The following ABHD2 variants were observed in gnomAD, a reference collection of about 807,000 sequenced individuals.
The protein encoded by ABHD2 is monoacylglycerol lipase ABHD2.
Under a neutral mutation model 48.1 loss-of-function variants are expected in ABHD2, and 20 were observed. The ratio of observed to expected loss-of-function variants is 0.42; its 90% CI spans 0.29 to 0.60. The LOEUF (loss-of-function observed/expected upper bound fraction) is 0.60. ABHD2 is among the 20% of genes least tolerant of loss of function. The pLI, the probability that ABHD2 is intolerant of heterozygous loss-of-function variation, is 0.24. For missense variants in ABHD2, 405 were observed against 550.9 expected, an observed-to-expected ratio of 0.74 and a Z score of 2.65; for synonymous variants, 209 against 214.2, an observed-to-expected ratio of 0.98 and a Z score of 0.21.
intron 1 of ABHD2, among the ~76,000 whole-genome samples, chr15:89,096,798 C>T (rs909827750): frequency 3.3e-5 from 5 of 152,198 alleles, no homozygotes; most frequent in Admixed American, 1.3e-4. Flanking sequence ...TCATCATACC[C>T]GTTTGTACGT....
At chr15:89,187,510 C>T (rs1454743019) in intron 7 of ABHD2, among the ~76,000 whole-genome samples, 1 of 152,146 alleles carries the variant, frequency 6.6e-6, no homozygotes, top group African/African-American at 2.4e-5. Flanking sequence ...AAATTCAGTC[C>T]GCTTCCAGGT....
chr15:89,095,478 T>G (rs908824840), intron 1 of ABHD2, among the ~76,000 whole-genome samples: 1 of 152,186 alleles, frequency 6.6e-6, no homozygotes, highest in Non-Finnish European at 1.5e-5. Flanking sequence ...ATGTTTGAAG[T>G]GCCACGTTTT....
intron 3 of ABHD2, among the ~76,000 whole-genome samples, chr15:89,123,360 A>G (rs934530000): frequency 5.9e-5 from 9 of 152,188 alleles, no homozygotes; most frequent in African/African-American, 1.9e-4. Context: ...TGTTCTCATC[A>G]TAATGTGTCC....
At chr15:89,066,393 C>CA in the ABHD2 span, among the ~76,000 whole-genome samples, 1 of 152,162 alleles carries the variant, frequency 6.6e-6, no homozygotes, top group Non-Finnish European at 1.5e-5. Flanking sequence ...TCTCCGTATT[C>CA]AAATCTCCTC....
chr15:89,087,495 C>G (rs1257208557), upstream of ABHD2: 3 of 152,226 alleles, frequency 2.0e-5, no homozygotes, highest in African/African-American at 7.2e-5. The surrounding 1 kb of genome is among the most constrained non-coding windows in gnomAD (Gnocchi z 5.5). Context: ...TAGAAATGGG[C>G]CTAGTTTCCC....
chr15:89,142,140 G>T (rs1009739984), intron 3 of ABHD2, among the ~76,000 whole-genome samples: 3 of 152,230 alleles, frequency 2.0e-5, no homozygotes, highest in African/African-American at 7.2e-5. Context: ...GACTAGCAGT[G>T]TGAATGTGGC....
intron 4 of ABHD2, among the ~76,000 whole-genome samples, chr15:89,153,789 A>G (rs1330868051): frequency 6.6e-6 from 1 of 152,206 alleles, no homozygotes; most frequent in African/African-American, 2.4e-5. Flanking sequence ...TATATTATTA[A>G]CGTTTTGTTC....
rs993973333 is a variant in ABHD2, at chr15:89,141,406, G to T, written c.195-10271G>T. On this transcript the variant is annotated intron_variant, in intron 3 of 10. Transcript: ENST00000352732. ...CCAGCACTTTGGAAGGCCGAGGTGG[G>T]CAGATCTCTTGAGGTAAGGACTTCA... Among the ~76,000 whole-genome samples, 9 of 152,188 alleles carry T rather than the reference G, an allele frequency of 5.9e-5. No individual in the cohort carries two copies. In the East Asian group the frequency reaches 1.7e-3, roughly 29 times the overall value.
intron 5 of ABHD2, among the ~76,000 whole-genome samples, chr15:89,169,081 G>A (rs1034425936): frequency 1.8e-4 from 28 of 152,048 alleles, no homozygotes; most frequent in African/African-American, 6.0e-4. Flanking sequence ...GAGACAGAGC[G>A]AGACCGTCTC....
intron 8 of ABHD2, 78 bp from the exon 9 acceptor site, chr15:89,191,002 C>T (rs1210475331): frequency 2.1e-6 from 3 of 1,423,414 alleles, no homozygotes; most frequent in Admixed American, 1.7e-5. Flanking sequence ...GAACTGGAGC[C>T]ATCGTCGGCT....
chr15:89,081,000 CCTTT>C, the ABHD2 span, among the ~76,000 whole-genome samples: 1 of 21,276 alleles, frequency 4.7e-5, no homozygotes, highest in African/African-American at 7.7e-5. Flanking sequence ...GAATTTCATT[CCTTT>C]TTTTTTTTTT....
the ABHD2 span, among the ~76,000 whole-genome samples, chr15:89,056,806 T>C: frequency 6.6e-6 from 1 of 151,772 alleles, no homozygotes. Flanking sequence ...AATGGGACAA[T>C]AGCAATCTCT....
At chr15:89,145,204 C>T (rs1312578025) in intron 3 of ABHD2, among the ~76,000 whole-genome samples, 1 of 152,114 alleles carries the variant, frequency 6.6e-6, no homozygotes, top group Non-Finnish European at 1.5e-5. Flanking sequence ...TGCAGTGAGC[C>T]GAGATGGTGC....
chr15:89,148,118 C>CAAAAA (rs10711138), intron 3 of ABHD2, among the ~76,000 whole-genome samples: 28 of 69,516 alleles, frequency 4.0e-4, no homozygotes, highest in South Asian at 5.7e-4. Flanking sequence ...GACTCCGTCT[C>CAAAAA]AAAAAAAAAA....
chr15:89,061,766 G>T, the ABHD2 span, among the ~76,000 whole-genome samples: 6 of 152,064 alleles, frequency 3.9e-5, no homozygotes, highest in Non-Finnish European at 7.4e-5. Context: ...TAGAAACGGG[G>T]TTTTGCCATG....
chr15:89,155,352 T>C lies in ABHD2; in HGVS notation c.371-15T>C, dbSNP rs1437357718. On this transcript the variant is annotated splice_polypyrimidine_tract_variant and intron_variant, in intron 4 of 10. Coordinates refer to ENST00000352732, the MANE Select transcript of ABHD2 (RefSeq NM_152924.5). This position sits in a 1 kb window ranked among gnomAD's most constrained non-coding sequence, Gnocchi z 4.9. ...ATTTCTTGGATACATCAGGATCTCT[T>C]TCTCTACGCTATAGATGATATCACC... 1 of 1,607,548 alleles carries C rather than the reference T, an allele frequency of 6.2e-7. No individual in the cohort carries two copies.
chr15:89,171,392 G>C (rs563544080), intron 5 of ABHD2, among the ~76,000 whole-genome samples: 119 of 152,298 alleles, frequency 7.8e-4, no homozygotes, highest in Non-Finnish European at 1.4e-3. Flanking sequence ...TTGCTCAGGG[G>C]CCACACTCTG....
the ABHD2 span, among the ~76,000 whole-genome samples, chr15:89,076,712 G>A: frequency 6.6e-6 from 1 of 152,230 alleles, no homozygotes; most frequent in African/African-American, 2.4e-5. Flanking sequence ...TCAAACTCCT[G>A]GGCTCAAGTG....
the ABHD2 span, among the ~76,000 whole-genome samples, chr15:89,080,550 A>G: frequency 6.6e-6 from 1 of 152,190 alleles, no homozygotes; most frequent in African/African-American, 2.4e-5. Context: ...AATTTAATGT[A>G]CAAGACAGGA....
Sources: allele counts gnomAD v4.1 joint callset (sites outside exome capture counted in the v4.1 genomes callset), GRCh38; gene constraint gnomAD v4.1.1; non-coding constraint Gnocchi (gnomAD v3.1); transcripts MANE v1.5; gene names NCBI Gene and HGNC (gene_info 2026-07-23, HGNC 2026-07-21).